Variants in FCHSD2 observed in about 807,000 individuals in gnomAD.
The protein encoded by FCHSD2 is F-BAR and double SH3 domains protein 2.
FCHSD2 carries 38 observed loss-of-function variants against 108.1 expected under a neutral mutation model. The observed-to-expected ratio is 0.35, with a 90% confidence interval of 0.27 to 0.46. FCHSD2 has a LOEUF of 0.46. Ranked by LOEUF, FCHSD2 falls within the 20% of genes least tolerant of loss-of-function variation. The pLI, the probability that FCHSD2 is intolerant of heterozygous loss-of-function variation, is 1.00. For synonymous variants in FCHSD2, 279 were observed against 314.7 expected, an observed-to-expected ratio of 0.89 and a Z score of 1.20; for missense variants, 751 against 897.8, an observed-to-expected ratio of 0.84 and a Z score of 2.09.
chr11:72,946,723 A>G (rs2135350008), intron 8 of FCHSD2, among the ~76,000 whole-genome samples: 1 of 152,338 alleles, frequency 6.6e-6, no homozygotes, highest in East Asian at 1.9e-4. Flanking sequence ...AATATCTATT[A>G]TATTCTAGGA....
intron 8 of FCHSD2, among the ~76,000 whole-genome samples, chr11:72,939,817 CCA>C (rs1234977219): frequency 6.6e-6 from 1 of 151,486 alleles, no homozygotes; most frequent in Non-Finnish European, 1.5e-5. Context: ...TGGGGTTTCA[CCA>C]TGTTTGTCAG....
intron 2 of FCHSD2, among the ~76,000 whole-genome samples, chr11:73,096,731 A>G (rs1860086874): frequency 6.6e-6 from 1 of 151,780 alleles, no homozygotes; most frequent in African/African-American, 2.4e-5. Flanking sequence ...AGCTTGTCAT[A>G]TGTGCCCTTT....
chr11:72,959,787 GTA>G (rs1856787854), intron 8 of FCHSD2, among the ~76,000 whole-genome samples: 1 of 151,782 alleles, frequency 6.6e-6, no homozygotes, highest in African/African-American at 2.4e-5. Flanking sequence ...GACAGATCAT[GTA>G]CATTATATGC....
At chr11:73,109,504 T>G (rs1321429063) in intron 2 of FCHSD2, among the ~76,000 whole-genome samples, 3 of 152,174 alleles carry the variant, frequency 2.0e-5, no homozygotes, top group Non-Finnish European at 4.4e-5. Context: ...TCTCAATTTC[T>G]TTTTCAGATT....
chr11:73,007,021 T>C (rs1355637887), intron 4 of FCHSD2, among the ~76,000 whole-genome samples: 1 of 152,200 alleles, frequency 6.6e-6, no homozygotes, highest in African/African-American at 2.4e-5. Flanking sequence ...TACCAAGACT[T>C]ATGTATCCTA....
intron 12 of FCHSD2, among the ~76,000 whole-genome samples, chr11:72,886,092 G>A (rs574391775): frequency 1.4e-4 from 22 of 152,230 alleles, no homozygotes; most frequent in South Asian, 6.2e-4. Context: ...GAGTTCTAAG[G>A]GGGTGTTAGA....
At chr11:72,899,822 A>T (rs1855491673) in intron 10 of FCHSD2, among the ~76,000 whole-genome samples, 1 of 150,112 alleles carries the variant, frequency 6.7e-6, no homozygotes. Flanking sequence ...ATCTTTTTCC[A>T]TTATGAAAAA....
At chr11:73,129,430 G>A (rs1392348442) in intron 2 of FCHSD2, among the ~76,000 whole-genome samples, 2 of 152,122 alleles carry the variant, frequency 1.3e-5, no homozygotes, top group Non-Finnish European at 2.9e-5. Context: ...CCTGAGCTCC[G>A]CCTCCTGTCA....
intron 10 of FCHSD2, among the ~76,000 whole-genome samples, chr11:72,890,527 T>C (rs1855292617): frequency 6.6e-6 from 1 of 152,186 alleles, no homozygotes; most frequent in African/African-American, 2.4e-5. Context: ...AAGATAAGGG[T>C]GCTAGATCAA....
At chr11:73,132,879 C>G (rs964513098) in intron 2 of FCHSD2, among the ~76,000 whole-genome samples, 1 of 145,370 alleles carries the variant, frequency 6.9e-6, no homozygotes, top group Non-Finnish European at 1.5e-5. Flanking sequence ...GAAAAAAATA[C>G]TGCATATATT....
In FCHSD2 at chr11:72,989,005, C is replaced by G. The variant is rs770425427; in HGVS notation, c.480G>C (p.Gln160His). The change falls in exon 6 of 20, where the codon CAG (glutamine) becomes CAC (histidine). Residue 160 changes from glutamine to histidine, a missense_variant. Physicochemically the swap from Gln to His is conservative, Grantham distance 24. Coordinates refer to ENST00000409418, the MANE Select transcript of FCHSD2 (RefSeq NM_014824.3). ...KGKKKYFETEQMAHAVREKAD... is the reference protein window; with the variant it reads ...KGKKKYFETEHMAHAVREKAD... ...CTTTCTCTCGTACTGCATGAGCCAT[C>G]TGTTCAGTCTCAAAGTATTTCTTTT... The G allele has an allele frequency of 6.2e-7, 1 of 1,612,426 alleles. No homozygotes were observed. The highest frequency in any genetic ancestry group is 8.5e-7 in the Non-Finnish European group (1 of 1,179,012).
At chr11:73,037,814 G>A (rs1858534989) in intron 3 of FCHSD2, among the ~76,000 whole-genome samples, 1 of 152,160 alleles carries the variant, frequency 6.6e-6, no homozygotes, top group African/African-American at 2.4e-5. Context: ...AATCACACTT[G>A]TTATGCATAG....
At chr11:72,963,950 C>T (rs1039711195) in intron 8 of FCHSD2, among the ~76,000 whole-genome samples, 2 of 152,112 alleles carry the variant, frequency 1.3e-5, no homozygotes, top group African/African-American at 4.8e-5. Flanking sequence ...ATAACAATGG[C>T]TAATTAATAG....
At chr11:73,036,097 G>C (rs1394264815) in intron 3 of FCHSD2, among the ~76,000 whole-genome samples, 2 of 152,096 alleles carry the variant, frequency 1.3e-5, no homozygotes, top group African/African-American at 2.4e-5. Context: ...AAAAACTAAA[G>C]GCTAAGAGTA....
chr11:73,140,900 G>A (rs1861230308), intron 1 of FCHSD2, among the ~76,000 whole-genome samples: 1 of 152,184 alleles, frequency 6.6e-6, no homozygotes. Flanking sequence ...CGGAGGGGTG[G>A]GGGTACATGT....
intron 9 of FCHSD2, among the ~76,000 whole-genome samples, chr11:72,917,802 C>T (rs371655675): frequency 6.6e-6 from 1 of 151,894 alleles, no homozygotes; most frequent in South Asian, 2.1e-4. Flanking sequence ...GCAGGAGAAT[C>T]GCTTGAACCT....
chr11:72,921,521 T>A (rs540345138), intron 9 of FCHSD2, among the ~76,000 whole-genome samples: 1 of 152,332 alleles, frequency 6.6e-6, no homozygotes, highest in South Asian at 2.1e-4. Context: ...GTGAGCAGAG[T>A]GCATTTAAAC....
At chr11:73,040,254 AG>A (rs890248044) in intron 3 of FCHSD2, among the ~76,000 whole-genome samples, 8 of 152,198 alleles carry the variant, frequency 5.3e-5, no homozygotes, top group Non-Finnish European at 7.3e-5. Flanking sequence ...CTCTTTTCCC[AG>A]GAACAGGAGA....
chr11:72,873,898 C>T (rs562269939), intron 12 of FCHSD2, among the ~76,000 whole-genome samples: 1 of 152,298 alleles, frequency 6.6e-6, no homozygotes, highest in South Asian at 2.1e-4. Flanking sequence ...AAACTGCCAA[C>T]TACCTTCTAA....
Sources: gnomAD v4.1 joint callset for allele counts (sites outside exome capture counted in the v4.1 genomes callset) on GRCh38, gnomAD v4.1.1 for gene constraint, MANE v1.5 for transcripts, NCBI Gene and HGNC (gene_info 2026-07-23, HGNC 2026-07-21) for gene names.